MYT1L: variants seen among roughly 807,000 people sequenced by gnomAD.
The protein encoded by MYT1L is myelin transcription factor 1 like, also known as myelin transcription factor 1-like protein.
A neutral mutation model predicts 126.7 loss-of-function variants in MYT1L; 12 were observed. The ratio of observed to expected loss-of-function variants is 0.09; its 90% CI spans 0.06 to 0.15. The LOEUF is 0.15. Ranked by LOEUF, MYT1L falls within the 10% of genes least tolerant of loss-of-function variation. The pLI is 1.00. For synonymous variants in MYT1L, 541 were observed against 604.2 expected (o/e 0.90, Z 1.53); for missense variants, 979 against 1,585.2 (o/e 0.62, Z 6.49).
intron 19 of MYT1L, among the ~76,000 whole-genome samples, chr2:1,850,866 A>G (rs933052902): frequency 3.9e-5 from 6 of 151,920 alleles, no homozygotes; most frequent in African/African-American, 1.5e-4. Context: ...GTAAATCCCC[A>G]CTTGTCCTCA....
At chr2:2,259,773 A>G (rs1267637102) in intron 2 of MYT1L, among the ~76,000 whole-genome samples, 1 of 152,122 alleles carries the variant, frequency 6.6e-6, no homozygotes, top group Admixed American at 6.6e-5. Flanking sequence ...CAGGATTGGG[A>G]ATCCTGGGTT....
intron 3 of MYT1L, among the ~76,000 whole-genome samples, chr2:2,076,295 C>A (rs767847458): frequency 4.1e-4 from 62 of 152,140 alleles, no homozygotes; most frequent in Non-Finnish European, 1.6e-4. Context: ...TCCTGGGTGA[C>A]CCCGAGGCTC....
At chr2:2,264,787 C>T (rs1490175889) in intron 2 of MYT1L, among the ~76,000 whole-genome samples, 1 of 152,186 alleles carries the variant, frequency 6.6e-6, no homozygotes, top group Admixed American at 6.5e-5. Context: ...AGGAATTCAG[C>T]ACTCCTCTAG....
chr2:2,284,175 T>C (rs571923609), intron 2 of MYT1L, among the ~76,000 whole-genome samples: 2 of 152,308 alleles, frequency 1.3e-5, no homozygotes, highest in Middle Eastern at 3.4e-3. Context: ...AGTATAAAGA[T>C]ATAAGAAAAA....
At chr2:2,005,139 CTTTCCTGCAGGCATTA>C (rs1171455769) in intron 4 of MYT1L, among the ~76,000 whole-genome samples, 3 of 150,380 alleles carry the variant, frequency 2.0e-5, no homozygotes, top group African/African-American at 7.4e-5. Context: ...TGCATGCATT[CTTTCCTGCAGGCATTA>C]TTTCCTGCAT....
At chr2:2,158,647 A>ACACG (rs1013673847) in intron 3 of MYT1L, among the ~76,000 whole-genome samples, 4 of 149,072 alleles carry the variant, frequency 2.7e-5, no homozygotes, top group African/African-American at 5.1e-5. Context: ...ACACACACAC[A>ACACG]CGCGTAGGTG....
intron 3 of MYT1L, among the ~76,000 whole-genome samples, chr2:2,157,601 A>G (rs2086937240): frequency 1.3e-5 from 2 of 152,160 alleles, no homozygotes; most frequent in South Asian, 2.1e-4. Context: ...AAGTCAGATG[A>G]TACATGTGCT....
intron 18 of MYT1L, among the ~76,000 whole-genome samples, chr2:1,865,092 G>A (rs909320098): frequency 6.6e-6 from 1 of 152,190 alleles, no homozygotes; most frequent in African/African-American, 2.4e-5. Flanking sequence ...GCCCGTGTGG[G>A]TGTCAGCGTG....
At chr2:2,217,709 A>C (rs183108483) in intron 2 of MYT1L, among the ~76,000 whole-genome samples, 4,991 of 119,644 alleles carry the variant, frequency 0.042, 167 homozygotes, top group Non-Finnish European at 0.057. Flanking sequence ...ACAACAACAA[A>C]AAAAAAAAAA....
intron 2 of MYT1L, among the ~76,000 whole-genome samples, chr2:2,269,529 G>A (rs1438162309): frequency 2.0e-5 from 3 of 152,164 alleles, no homozygotes; most frequent in Non-Finnish European, 4.4e-5. Flanking sequence ...TGGTTCCCTT[G>A]CTGACTCCCA....
At chr2:2,161,191 C>A (rs1159925521) in intron 3 of MYT1L, among the ~76,000 whole-genome samples, 3 of 152,006 alleles carry the variant, frequency 2.0e-5, no homozygotes, top group Admixed American at 6.6e-5. Context: ...CCAGCCTGGG[C>A]AATGGAGAGA....
At chr2:1,921,947 G>T (rs1354150560) in intron 10 of MYT1L, among the ~76,000 whole-genome samples, 1 of 152,136 alleles carries the variant, frequency 6.6e-6, no homozygotes, top group East Asian at 1.9e-4. Context: ...ATAGATTGTG[G>T]TTCATTTATA....
intron 2 of MYT1L, among the ~76,000 whole-genome samples, chr2:2,192,417 ATT>A (rs33963632): frequency 0.13 from 18,526 of 144,928 alleles, 1,131 homozygotes; most frequent in Non-Finnish European, 0.14. Context: ...TGTTAGTTTC[ATT>A]TTTTTTTTTT....
At chr2:2,314,350 C>G (rs1036541274) in intron 1 of MYT1L, among the ~76,000 whole-genome samples, 2 of 152,172 alleles carry the variant, frequency 1.3e-5, no homozygotes, top group East Asian at 1.9e-4. Flanking sequence ...TATCAAATAT[C>G]ATTAAATAAT....
At chr2:1,907,142 A>C (rs975500821) in intron 13 of MYT1L, among the ~76,000 whole-genome samples, 3 of 149,466 alleles carry the variant, frequency 2.0e-5, no homozygotes, top group Middle Eastern at 3.2e-3. Context: ...AAAAAAAAAA[A>C]ACAAAAGACC....
chr2:2,316,336 C>T (rs1436071106), intron 1 of MYT1L, among the ~76,000 whole-genome samples: 2 of 152,196 alleles, frequency 1.3e-5, no homozygotes, highest in Non-Finnish European at 2.9e-5. Context: ...TCTTGCTTGT[C>T]ATTTTGGGTG....
chr2:1,870,066 A>ATTT (rs1553278801), intron 18 of MYT1L, among the ~76,000 whole-genome samples: 1 of 151,866 alleles, frequency 6.6e-6, no homozygotes, highest in Non-Finnish European at 1.5e-5. Context: ...CTCAGAGGGC[A>ATTT]TTCTTCTCCT....
rs969805466 is a variant in MYT1L, at chr2:1,789,982, C to A, written c.*1885G>T. 2 of 152,058 alleles carry A rather than the reference C, an allele frequency of 1.3e-5. No homozygotes were observed. The highest frequency in any genetic ancestry group is 1.3e-4 in the Admixed American group (2 of 15,262). The allele number at this position is 152,058 out of a possible 1,614,324, so 9.4% of individuals were successfully genotyped here. On this transcript the variant is annotated 3_prime_UTR_variant, in exon 25 of 25. Transcript: ENST00000647738. ...ATATATTTATACACATATATATATA[C>A]CGAGGTTGAGTATTGTATCAGAATA...
chr2:2,147,777 G>A (rs1436915503), intron 3 of MYT1L, among the ~76,000 whole-genome samples: 1 of 152,192 alleles, frequency 6.6e-6, no homozygotes, highest in Non-Finnish European at 1.5e-5. Flanking sequence ...GAGGACAGCT[G>A]GGGCACATAG....
Sources: gnomAD v4.1 joint callset for allele counts (sites outside exome capture counted in the v4.1 genomes callset) on GRCh38, gnomAD v4.1.1 for gene constraint, MANE v1.5 for transcripts, NCBI Gene and HGNC (gene_info 2026-07-23, HGNC 2026-07-21) for gene names.